The following SNX13 variants were observed in gnomAD, a reference collection of about 807,000 sequenced individuals.
The protein encoded by SNX13 is sorting nexin-13.
SNX13 carries 45 observed loss-of-function variants against 133.6 expected under a neutral mutation model. The observed-to-expected ratio is 0.34, with a 90% CI of 0.27 to 0.43. SNX13 has a LOEUF of 0.43. Ranked by LOEUF, SNX13 falls within the 20% of genes least tolerant of loss-of-function variation. SNX13 has a pLI of 1.00. For synonymous variants in SNX13, 414 were observed against 373.9 expected, an observed-to-expected ratio of 1.11 and a Z score of -1.24; for missense variants, 1,032 against 1,145.1, an observed-to-expected ratio of 0.90 and a Z score of 1.43.
At chr7:17,912,268 G>C (rs1799063248) in intron 1 of SNX13, among the ~76,000 whole-genome samples, 1 of 152,076 alleles carries the variant, frequency 6.6e-6, no homozygotes, top group South Asian at 2.1e-4. Flanking sequence ...TTTCCACTGG[G>C]GATCTGTGCA....
chr7:17,879,953 T>C (rs573828014), intron 5 of SNX13: 1 of 152,320 alleles, frequency 6.6e-6, no homozygotes. Context: ...ACCACACATA[T>C]ACATACACAG....
chr7:17,829,787 C>T (rs1427727768), intron 16 of SNX13, among the ~76,000 whole-genome samples: 1 of 151,058 alleles, frequency 6.6e-6, no homozygotes, highest in Non-Finnish European at 1.5e-5. Context: ...GCAGGTATAA[C>T]CTAAGCCAAT....
chr7:17,845,335 A>G, intron 12 of SNX13, among the ~76,000 whole-genome samples: 1 of 152,196 alleles, frequency 6.6e-6, no homozygotes. Context: ...AGTCAAAATT[A>G]TAGAGACAGA....
chr7:17,796,707 G>A, intron 25 of SNX13, 120 bp downstream of exon 25: 1 of 703,944 alleles, frequency 1.4e-6, no homozygotes, highest in Non-Finnish European at 2.5e-6. Flanking sequence ...TGCCTGATAT[G>A]TATTAAGCCA....
chr7:17,800,597 A>G (rs1489981727), intron 22 of SNX13, among the ~76,000 whole-genome samples: 1 of 151,820 alleles, frequency 6.6e-6, no homozygotes, highest in African/African-American at 2.4e-5. Context: ...ATAGGCACAG[A>G]TAACATATAT....
chr7:17,913,337 C>T (rs967252428), intron 1 of SNX13, among the ~76,000 whole-genome samples: 3 of 152,118 alleles, frequency 2.0e-5, no homozygotes, highest in African/African-American at 4.8e-5. Flanking sequence ...GTCCAGGGAA[C>T]GGGGTCTGAA....
intron 2 of SNX13, among the ~76,000 whole-genome samples, chr7:17,895,675 A>T (rs2691554): frequency 0.011 from 1,626 of 152,262 alleles, 27 homozygotes; most frequent in African/African-American, 0.037. Context: ...AAACTACAAC[A>T]TTTAAAAAAG....
chr7:17,868,608 G>T (rs557566816), intron 8 of SNX13, 118 bp from the exon 9 acceptor site: 1 of 688,910 alleles, frequency 1.5e-6, no homozygotes, highest in Non-Finnish European at 2.4e-6. Context: ...ATGTAACTAG[G>T]ACTTGATAAG....
In SNX13 at chr7:17,869,054, C is replaced by T. The variant is rs1174219111; in HGVS notation, c.754-564G>A. Reference sequence around the variant, plus strand: ...TAATCGATTCAACATTCTCTAAAATCTACCTTCCCATTCTTTGCAGTTGTT... The same window carrying T: ...TAATCGATTCAACATTCTCTAAAATTTACCTTCCCATTCTTTGCAGTTGTT... On this transcript the variant is annotated intron_variant, in intron 8 of 25. Transcript: ENST00000428135. 2.6e-5 allele frequency among the ~76,000 whole-genome samples: 4 copies of T among 152,034 alleles called. No individual in the cohort carries two copies. In the East Asian group the frequency reaches 7.7e-4, roughly 29 times the overall value.
At chr7:17,923,765 T>C (rs573717247) in intron 1 of SNX13, among the ~76,000 whole-genome samples, 9 of 152,188 alleles carry the variant, frequency 5.9e-5, no homozygotes, top group Admixed American at 5.2e-4. Flanking sequence ...ATACTCACAA[T>C]AGGGCAGTGG....
rs1326717512 is a variant in SNX13 at position 17,845,624 on chromosome 7, A to C, written c.1136T>G (p.Val379Gly). The change falls in exon 12 of 26, where the codon GTA becomes GGA. Residue 379 changes from valine to glycine, a missense_variant. Physicochemically the swap from Val to Gly is moderately radical, Grantham distance 109. Transcript: ENST00000428135. The stretch of plus-strand genomic sequence containing the variant: ...AAAAAATTGTAGTGCAACATTGTCT[A>C]CAAGAATGCTGTCCAGGGGGACTGT... Reference protein sequence around the residue: ...LCTVPLDSILVDNVALQFFMD... With the variant: ...LCTVPLDSILGDNVALQFFMD... The C allele has an allele frequency of 6.2e-7, 1 of 1,601,982 alleles. No homozygotes were observed. Among genetic ancestry groups the C allele is most frequent in the Non-Finnish European group, 8.5e-7 (1 of 1,174,590 alleles).
At chr7:17,865,020 G>A (rs1793210382) in intron 9 of SNX13, among the ~76,000 whole-genome samples, 1 of 152,170 alleles carries the variant, frequency 6.6e-6, no homozygotes, top group African/African-American at 2.4e-5. Flanking sequence ...TGTCAACTCT[G>A]AAGGAGAAAT....
chr7:17,804,238 T>C (rs1344571585), intron 20 of SNX13, among the ~76,000 whole-genome samples: 1 of 152,098 alleles, frequency 6.6e-6, no homozygotes, highest in Admixed American at 6.6e-5. Flanking sequence ...AAAACAGAAA[T>C]TGATGCAACT....
chr7:17,915,629 GTC>G (rs976279692), intron 1 of SNX13, among the ~76,000 whole-genome samples: 2 of 119,500 alleles, frequency 1.7e-5, no homozygotes, highest in Non-Finnish European at 3.4e-5. Flanking sequence ...CTGTCTGTCT[GTC>G]TCTCTCTCTC....
At chr7:17,872,875 T>C (rs1308991795) in intron 8 of SNX13, among the ~76,000 whole-genome samples, 3 of 152,224 alleles carry the variant, frequency 2.0e-5, no homozygotes, top group Non-Finnish European at 4.4e-5. Context: ...ACAAATGTTA[T>C]TCCTTTAAAT....
Position 17,799,002 on chromosome 7 carries a change from G to C in SNX13, c.2444+7C>G. Reference sequence around the variant, plus strand: ...TCAGATTAAAAGCGAGGAGGAAAGAGTGCTACCTATTAATAGTATCGCCAT... The same window carrying C: ...TCAGATTAAAAGCGAGGAGGAAAGACTGCTACCTATTAATAGTATCGCCAT... On this transcript the variant is annotated splice_region_variant and intron_variant, in intron 23 of 25. Transcript: ENST00000428135. 1 of 1,606,676 alleles carries C rather than the reference G, an allele frequency of 6.2e-7. No individual in the cohort carries two copies. The highest frequency in any genetic ancestry group is 1.1e-5 in the South Asian group (1 of 89,884).
At chr7:17,880,803 G>A (rs772205407) in intron 5 of SNX13, 1 of 152,114 alleles carries the variant, frequency 6.6e-6, no homozygotes, top group Non-Finnish European at 1.5e-5. Flanking sequence ...AAAGACTATA[G>A]ATTAAGGAAT....
chr7:17,877,602 TATTTA>T (rs1794870225), intron 5 of SNX13, among the ~76,000 whole-genome samples: 1 of 152,120 alleles, frequency 6.6e-6, no homozygotes, highest in Non-Finnish European at 1.5e-5. Context: ...CAATGCTGTT[TATTTA>T]ATTTACTGAA....
chr7:17,892,858 A>G (rs1796775353), intron 3 of SNX13, among the ~76,000 whole-genome samples: 1 of 152,202 alleles, frequency 6.6e-6, no homozygotes. Flanking sequence ...TGAAAAAATA[A>G]TAGCACCATT....
Sources: gnomAD v4.1 joint callset for allele counts (sites outside exome capture counted in the v4.1 genomes callset) on GRCh38, gnomAD v4.1.1 for gene constraint, MANE v1.5 for transcripts, NCBI Gene and HGNC (gene_info 2026-07-23, HGNC 2026-07-21) for gene names.